Variants in SH3BGR observed in about 807,000 individuals in gnomAD.
SH3BGR encodes the protein SH3 domain-binding glutamic acid-rich protein.
SH3BGR carries 29 observed loss-of-function variants against 24.5 expected under a neutral mutation model. The ratio of observed to expected loss-of-function variants is 1.18; its 90% CI spans 0.88 to 1.61. SH3BGR has a LOEUF of 1.61. Among genes scored for constraint, SH3BGR ranks in the 40% most tolerant of loss-of-function variants. SH3BGR has a pLI of 0.00. For missense variants in SH3BGR, 162 were observed against 205.8 expected (o/e 0.79, Z 1.30); for synonymous variants, 55 against 65.7 (o/e 0.84, Z 0.79).
At position 39,511,873 on chromosome 21, in the gene SH3BGR, A is replaced by G. The variant is rs74816414; in HGVS notation, c.*34+64A>G. Reference sequence around the variant, plus strand: ...CCGTACTGTATGCTATCTGCGGCACATTTTGCTTAGTAACAGGAGAAAGGG... The same window carrying G: ...CCGTACTGTATGCTATCTGCGGCACGTTTTGCTTAGTAACAGGAGAAAGGG... On this transcript the variant is annotated intron_variant, in intron 6 of 6. Coordinates refer to ENST00000333634, the MANE Select transcript of SH3BGR (RefSeq NM_007341.3). The surrounding 1 kb of genome is among the most constrained non-coding windows in gnomAD (Gnocchi z 4.2). The G allele has an allele frequency of 0.057, 81,626 of 1,442,302 alleles. 3,124 individuals are homozygous for G. The highest frequency in any genetic ancestry group is 0.17 in the African/African-American group (12,078 of 69,850). 89.3% of individuals were successfully genotyped at this position (1,442,302 alleles called of 1,614,324 possible).
chr21:39,482,157 C>G (rs976620591), intron 3 of SH3BGR, among the ~76,000 whole-genome samples: 5 of 152,286 alleles, frequency 3.3e-5, no homozygotes, highest in African/African-American at 1.2e-4. Flanking sequence ...TCTCCAGCTC[C>G]AAGTTCTAGT....
intron 4 of SH3BGR, among the ~76,000 whole-genome samples, chr21:39,504,889 A>G (rs1161737506): frequency 6.6e-6 from 1 of 152,136 alleles, no homozygotes; most frequent in Non-Finnish European, 1.5e-5. Context: ...GCTGGAGTGC[A>G]TTGGCATAAT....
At chr21:39,485,766 C>G (rs564778271) in intron 3 of SH3BGR, among the ~76,000 whole-genome samples, 2 of 150,598 alleles carry the variant, frequency 1.3e-5, no homozygotes, top group Admixed American at 6.7e-5. Context: ...CGGCTCACTG[C>G]AAGCTCCACC....
intron 4 of SH3BGR, among the ~76,000 whole-genome samples, chr21:39,505,869 A>G (rs1474001791): frequency 6.6e-6 from 1 of 152,208 alleles, no homozygotes; most frequent in Non-Finnish European, 1.5e-5. Context: ...GGCTAGCTCT[A>G]CGGTTGACAG....
At chr21:39,458,208 TC>T (rs2077695582) in intron 1 of SH3BGR, among the ~76,000 whole-genome samples, 1 of 36,512 alleles carries the variant, frequency 2.7e-5, no homozygotes, top group Admixed American at 4.3e-4. Flanking sequence ...GCTCTTGTGC[TC>T]TGTAAAACAT....
intron 3 of SH3BGR, among the ~76,000 whole-genome samples, chr21:39,487,074 G>A (rs1384925918): frequency 6.6e-6 from 1 of 152,152 alleles, no homozygotes; most frequent in Non-Finnish European, 1.5e-5. Flanking sequence ...ATCAATGAAA[G>A]ACATCCAGTT....
chr21:39,495,482 CTTT>C (rs543877521), intron 3 of SH3BGR, among the ~76,000 whole-genome samples: 7 of 140,110 alleles, frequency 5.0e-5, no homozygotes, highest in Admixed American at 7.1e-5. Context: ...GTAAAAGTCT[CTTT>C]TTTTTTTTTT....
At position 39,509,091 on chromosome 21, in the gene SH3BGR, A is replaced by G; in HGVS notation, c.435+64A>G. 9 of 1,367,594 alleles carry G rather than the reference A, an allele frequency of 6.6e-6. No homozygotes were observed. The South Asian group carries it at 1.2e-4, about 18-fold the overall frequency. 84.7% of individuals were successfully genotyped at this position (1,367,594 alleles called of 1,614,324 possible). ...TTAATAAAAACATCTTTTAGGTGGG[A>G]GGATTGCAGCTTGAGGCACGTTCTT... is the stretch of plus-strand genomic sequence containing the variant. On this transcript the variant is annotated intron_variant, in intron 5 of 6. Coordinates refer to ENST00000333634, the MANE Select transcript of SH3BGR (RefSeq NM_007341.3).
chr21:39,447,272 A>G (rs368772847), upstream of SH3BGR, among the ~76,000 whole-genome samples: 4 of 151,856 alleles, frequency 2.6e-5, no homozygotes, highest in African/African-American at 7.3e-5. Context: ...GGAGCATCCA[A>G]CCCTGGAGCT....
chr21:39,505,093 A>T (rs1029669309), intron 4 of SH3BGR, among the ~76,000 whole-genome samples: 1 of 152,182 alleles, frequency 6.6e-6, no homozygotes, highest in Non-Finnish European at 1.5e-5. Flanking sequence ...GTTTACAGGC[A>T]TGTGCCACCA....
chr21:39,457,548 A>T (rs1360187780), intron 1 of SH3BGR, among the ~76,000 whole-genome samples: 2 of 147,194 alleles, frequency 1.4e-5, no homozygotes, highest in Admixed American at 1.4e-4. Flanking sequence ...ATATAAGATT[A>T]TTATATATTA....
intron 2 of SH3BGR, among the ~76,000 whole-genome samples, chr21:39,465,233 T>C (rs1164062373): frequency 1.3e-5 from 2 of 152,180 alleles, no homozygotes; most frequent in African/African-American, 4.8e-5. Flanking sequence ...TCATTCTGGC[T>C]ACCTTCCCCT....
intron 3 of SH3BGR, among the ~76,000 whole-genome samples, chr21:39,489,601 G>C (rs7281076): frequency 0.56 from 84,548 of 152,080 alleles, 23,914 homozygotes; most frequent in East Asian, 0.68. Context: ...TCTGAGGGAG[G>C]TATTCTTACT....
intron 2 of SH3BGR, among the ~76,000 whole-genome samples, chr21:39,471,644 T>C (rs1018154262): frequency 2.0e-5 from 3 of 152,150 alleles, no homozygotes; most frequent in Admixed American, 6.6e-5. Flanking sequence ...TTTTTAAAAA[T>C]AGAGACAGAG....
chr21:39,479,259 ATGG>A (rs1353659317), intron 3 of SH3BGR, among the ~76,000 whole-genome samples: 1 of 119,464 alleles, frequency 8.4e-6, no homozygotes, highest in Non-Finnish European at 1.7e-5. Flanking sequence ...GGTGGTGGTG[ATGG>A]TAGTGCTGGT....
chr21:39,474,890 G>GGTGTGT (rs3830679), intron 2 of SH3BGR, among the ~76,000 whole-genome samples: 3 of 150,378 alleles, frequency 2.0e-5, no homozygotes, highest in East Asian at 1.9e-4. Context: ...CATGGGTAGG[G>GGTGTGT]GTGTGTGTGT....
chr21:39,501,727 A>C (rs2078497216), intron 4 of SH3BGR, among the ~76,000 whole-genome samples: 1 of 152,236 alleles, frequency 6.6e-6, no homozygotes, highest in South Asian at 2.1e-4. Flanking sequence ...AAAATGTTGT[A>C]AAAACATGAT....
intron 3 of SH3BGR, among the ~76,000 whole-genome samples, chr21:39,479,620 G>A (rs1253728537): frequency 1.3e-5 from 2 of 152,112 alleles, no homozygotes; most frequent in African/African-American, 4.8e-5. Flanking sequence ...TTTTCAGTAT[G>A]GTTGCCTACT....
intron 2 of SH3BGR, 59 bp downstream of exon 2, chr21:39,462,619 A>C: frequency 7.9e-7 from 1 of 1,261,266 alleles, no homozygotes; most frequent in Admixed American, 3.3e-5. Context: ...AAATTTTCTA[A>C]AGCAGATTAA....
Sources: gnomAD v4.1 joint callset for allele counts (sites outside exome capture counted in the v4.1 genomes callset) on GRCh38, gnomAD v4.1.1 for gene constraint, Gnocchi (gnomAD v3.1) non-coding constraint, MANE v1.5 for transcripts, NCBI Gene and HGNC (gene_info 2026-07-23, HGNC 2026-07-21) for gene names.